IARS2: variants seen among roughly 807,000 people sequenced by gnomAD.
IARS2 encodes the protein isoleucine--tRNA ligase, mitochondrial.
A neutral mutation model predicts 126.3 loss-of-function variants in IARS2; 56 were observed. The observed-to-expected ratio is 0.44, with a 90% CI of 0.36 to 0.55. The LOEUF (loss-of-function observed/expected upper bound fraction) is 0.55. Among genes scored for constraint, IARS2 ranks in the 20% least tolerant of loss-of-function variants. The pLI, the probability that IARS2 is intolerant of heterozygous loss-of-function variation, is 0.00. For missense variants in IARS2, 1,127 were observed against 1,245.9 expected, an observed-to-expected ratio of 0.90 and a Z score of 1.44; for synonymous variants, 407 against 441.1, an observed-to-expected ratio of 0.92 and a Z score of 0.97.
intron 12 of IARS2, among the ~76,000 whole-genome samples, chr1:220,123,774 G>A (rs1657098387): frequency 6.6e-6 from 1 of 152,174 alleles, no homozygotes; most frequent in Admixed American, 6.5e-5. Flanking sequence ...ACTGCTCCTG[G>A]CCTGTAGAGC....
chr1:220,145,733 G>C lies in IARS2; in HGVS notation c.2896+80G>C, dbSNP rs577987847. On this transcript the variant is annotated intron_variant, in intron 22 of 22. Coordinates refer to ENST00000366922, the MANE Select transcript of IARS2 (RefSeq NM_018060.4). ...TCATCTCCAACTTTCCAGTGGACTG[G>C]GTTTATTCTAAAGGTAGATATATAC... The C allele has an allele frequency of 6.7e-4, 805 of 1,199,654 alleles. 11 individuals carry two copies. The highest frequency in any genetic ancestry group is 6.1e-3 in the Middle Eastern group (23 of 3,794). 74.3% of individuals were successfully genotyped at this position (1,199,654 alleles called of 1,614,324 possible).
intron 21 of IARS2, among the ~76,000 whole-genome samples, chr1:220,145,227 G>A (rs1426764191): frequency 6.6e-6 from 1 of 151,840 alleles, no homozygotes; most frequent in Non-Finnish European, 1.5e-5. Context: ...CACCATATAG[G>A]TTTTTTTTGT....
At position 220,102,690 on chromosome 1, in the gene IARS2, G is replaced by T. The variant is rs777635643; in HGVS notation, c.863G>T (p.Gly288Val). The T allele has an allele frequency of 8.1e-6, 13 of 1,610,732 alleles. No homozygotes were observed. The highest frequency in any genetic ancestry group is 3.3e-5 in the South Asian group (3 of 91,020). ...ATTTACAATTGTATTTTCACAGATG[G>T]TTCATCTCCTGTTAGTATTTTGGTC... ...PSPKLASLID[G>V]SSPVSILVWT... The change falls in exon 7 of 23, where the codon GGT becomes GTT. Residue 288 changes from glycine to valine, a missense_variant. Gly to Val is a moderately radical substitution (Grantham distance 109). Coordinates refer to ENST00000366922, the MANE Select transcript of IARS2 (RefSeq NM_018060.4).
chr1:220,140,082 C>A, intron 18 of IARS2, 101 bp from the exon 19 acceptor site: 2 of 707,350 alleles, frequency 2.8e-6, no homozygotes, highest in African/African-American at 1.8e-5. Flanking sequence ...GTATTTGTCT[C>A]ATTGAAACAT....
intron 10 of IARS2, among the ~76,000 whole-genome samples, chr1:220,108,093 C>G (rs2102821298): frequency 6.6e-6 from 1 of 152,042 alleles, no homozygotes; most frequent in Middle Eastern, 3.4e-3. Flanking sequence ...CACAGTCTCA[C>G]TCTGTTGCCC....
intron 10 of IARS2, among the ~76,000 whole-genome samples, chr1:220,108,613 C>T (rs1656730480): frequency 6.6e-6 from 1 of 152,038 alleles, no homozygotes; most frequent in African/African-American, 2.4e-5. Flanking sequence ...TCTCGATCTC[C>T]TGACCTCGTG....
intron 12 of IARS2, among the ~76,000 whole-genome samples, chr1:220,117,184 CTTTTTTTTTTTTTT>C (rs1192537887): frequency 6.2e-5 from 3 of 48,466 alleles, no homozygotes; most frequent in Admixed American, 6.0e-4. Flanking sequence ...GTCTCCTCTT[CTTTTTTTTTTTTTT>C]TTTTTTTTTT....
In IARS2 at chr1:220,100,613, G is replaced by T; in HGVS notation, c.514G>T (p.Ala172Ser). ...AGTATTATCAGAACTTGGTAGAGAAGCTCAGAATCTTTCAGCTATGGAAAT... is the reference window on the plus strand; with the variant it reads ...AGTATTATCAGAACTTGGTAGAGAATCTCAGAATCTTTCAGCTATGGAAAT... ...IKVLSELGREAQNLSAMEIRK... is the reference protein window; with the variant it reads ...IKVLSELGRESQNLSAMEIRK... The change falls in exon 3 of 23, where the codon GCT becomes TCT. Residue 172 changes from alanine (A) to serine (S), a missense_variant. By Grantham distance (99) the Ala-to-Ser change is moderately conservative. Transcript: ENST00000366922. The T allele has an allele frequency of 6.2e-7, 1 of 1,610,900 alleles. No individual in the cohort carries two copies. Among genetic ancestry groups the T allele is most frequent in the Non-Finnish European group, 8.5e-7 (1 of 1,178,162 alleles).
chr1:220,138,904 C>A, intron 17 of IARS2, 104 bp from the exon 18 acceptor site: 2 of 984,418 alleles, frequency 2.0e-6, no homozygotes, highest in Non-Finnish European at 3.0e-6. Context: ...ATAAAAATAC[C>A]CCACTAAGAA....
intron 12 of IARS2, among the ~76,000 whole-genome samples, chr1:220,123,618 C>T (rs867150229): frequency 1.1e-4 from 17 of 152,208 alleles, no homozygotes; most frequent in South Asian, 6.2e-4. Flanking sequence ...GGACTACAGG[C>T]GCCCGCCACC....
chr1:220,132,674 C>T (rs1452910604), intron 14 of IARS2, among the ~76,000 whole-genome samples: 1 of 151,644 alleles, frequency 6.6e-6, no homozygotes, highest in African/African-American at 2.4e-5. Context: ...TACAGGTGCC[C>T]GCCACCATGC....
chr1:220,124,640 G>A (rs1657117301), intron 12 of IARS2, among the ~76,000 whole-genome samples: 2 of 152,200 alleles, frequency 1.3e-5, no homozygotes, highest in Admixed American at 6.5e-5. Flanking sequence ...CAGAATATAA[G>A]CCTGGATATC....
intron 12 of IARS2, among the ~76,000 whole-genome samples, chr1:220,123,149 AT>A (rs1411028368): frequency 6.6e-6 from 1 of 150,446 alleles, no homozygotes; most frequent in East Asian, 2.0e-4. Context: ...CCATATTCAT[AT>A]TTTCTTAACT....
At chr1:220,142,608 A>C (rs1657512641) in intron 20 of IARS2, among the ~76,000 whole-genome samples, 1 of 152,240 alleles carries the variant, frequency 6.6e-6, no homozygotes, top group African/African-American at 2.4e-5. Context: ...TATAAAAATT[A>C]GAAACTATAG....
intron 12 of IARS2, among the ~76,000 whole-genome samples, chr1:220,120,199 A>C (rs1426730005): frequency 6.6e-6 from 1 of 150,530 alleles, no homozygotes; most frequent in Non-Finnish European, 1.5e-5. Context: ...CTCCTTCTTC[A>C]GCCTCCCAAG....
chr1:220,130,269 G>T (rs549190357), intron 14 of IARS2, among the ~76,000 whole-genome samples: 73 of 152,124 alleles, frequency 4.8e-4, no homozygotes, highest in African/African-American at 1.7e-3. Context: ...CTGAATATCA[G>T]TTTCTTGTCA....
chr1:220,096,399 T>C (rs1656441570), intron 2 of IARS2, among the ~76,000 whole-genome samples, 173 bp downstream of exon 2: 2 of 152,236 alleles, frequency 1.3e-5, no homozygotes, highest in African/African-American at 2.4e-5. Context: ...AAATTGCTGC[T>C]ATTTGCTTTG....
At chr1:220,116,060 A>T (rs1656907528) in intron 12 of IARS2, among the ~76,000 whole-genome samples, 1 of 152,118 alleles carries the variant, frequency 6.6e-6, no homozygotes, top group African/African-American at 2.4e-5. Flanking sequence ...AAATTTAAAA[A>T]TTAGCTGGTG....
chr1:220,110,566 A>C (rs993590474), intron 10 of IARS2, among the ~76,000 whole-genome samples: 7 of 152,072 alleles, frequency 4.6e-5, no homozygotes, highest in Non-Finnish European at 7.4e-5. Flanking sequence ...AGGTTTCACC[A>C]TGTTGGTCAG....
Sources: gnomAD v4.1 joint callset for allele counts (sites outside exome capture counted in the v4.1 genomes callset) on GRCh38, gnomAD v4.1.1 for gene constraint, MANE v1.5 for transcripts, NCBI Gene and HGNC (gene_info 2026-07-23, HGNC 2026-07-21) for gene names.